The following DMRT1 variants were observed in gnomAD, a reference collection of about 807,000 sequenced individuals.
DMRT1 encodes the protein doublesex and mab-3 related transcription factor 1, also known as doublesex- and mab-3-related transcription factor 1.
In DMRT1, 7 loss-of-function variants were observed where a neutral mutation model predicts 32.3. The observed-to-expected ratio is 0.22, with a 90% CI of 0.12 to 0.41. DMRT1 has a LOEUF of 0.41. DMRT1 is among the 10% of genes least tolerant of loss of function. The pLI is 1.00. For synonymous variants in DMRT1, 278 were observed against 206.1 expected (o/e 1.35, Z -2.99); for missense variants, 625 against 500.5 (o/e 1.25, Z -2.37).
intron 4 of DMRT1, among the ~76,000 whole-genome samples, chr9:948,071 T>C (rs1346492703): frequency 6.6e-6 from 1 of 152,168 alleles, no homozygotes; most frequent in East Asian, 1.9e-4. Context: ...TGAGGTGGAA[T>C]TGGGTAATTA....
intron 4 of DMRT1, among the ~76,000 whole-genome samples, chr9:920,097 C>T (rs563942853): frequency 6.6e-6 from 1 of 152,212 alleles, no homozygotes; most frequent in African/African-American, 2.4e-5. Flanking sequence ...GTCCATGAAC[C>T]ACCCAAGTGG....
At chr9:868,631 T>A (rs1431783685) in intron 2 of DMRT1, among the ~76,000 whole-genome samples, 4 of 152,210 alleles carry the variant, frequency 2.6e-5, no homozygotes, top group Admixed American at 2.6e-4. Flanking sequence ...CCTTACAAGG[T>A]TATCGTAGGT....
At chr9:874,343 A>G (rs1372196894) in intron 2 of DMRT1, among the ~76,000 whole-genome samples, 1 of 152,182 alleles carries the variant, frequency 6.6e-6, no homozygotes, top group Non-Finnish European at 1.5e-5. Flanking sequence ...ATATTTATAC[A>G]GTTGAGATAT....
chr9:933,005 C>T (rs958656834), intron 4 of DMRT1, among the ~76,000 whole-genome samples: 2 of 152,130 alleles, frequency 1.3e-5, no homozygotes, highest in East Asian at 1.9e-4. Context: ...CTCCGTCTCC[C>T]GGGTTCAAAC....
intron 4 of DMRT1, among the ~76,000 whole-genome samples, chr9:960,388 A>G (rs567120345): frequency 6.6e-6 from 1 of 152,198 alleles, no homozygotes; most frequent in Non-Finnish European, 1.5e-5. Flanking sequence ...AATCCTATTA[A>G]TTTCCAATGG....
chr9:934,112 C>G (rs1364772283), intron 4 of DMRT1, among the ~76,000 whole-genome samples: 1 of 152,034 alleles, frequency 6.6e-6, no homozygotes, highest in Non-Finnish European at 1.5e-5. Context: ...GAGTGGAAAA[C>G]TTGTCTTATG....
Position 842,049 on chromosome 9 carries a change from C to G in DMRT1, c.211C>G (p.Pro71Ala), listed in dbSNP as rs1430464890. 1.9e-6 allele frequency: 3 copies of G among 1,545,368 alleles called. No individual in the cohort carries two copies. Among genetic ancestry groups the G allele is most frequent in the Admixed American group, 3.9e-5 (2 of 51,312 alleles). The change falls in exon 1 of 5, where the codon CCG (proline) becomes GCG (alanine). Residue 71 changes from proline (P) to alanine (A), a missense_variant. Physicochemically the swap from Pro to Ala is conservative, Grantham distance 27 (BLOSUM62 -1). Transcript: ENST00000382276. Reference protein sequence around the residue: ...SDLGAGSKKSPRLPKCARCRN... With the variant: ...SDLGAGSKKSARLPKCARCRN... Reference sequence around the variant, plus strand: ...CCTGGGTGCCGGGAGCAAGAAGTCCCCGCGGCTGCCCAAGTGCGCACGCTG... The same window carrying G: ...CCTGGGTGCCGGGAGCAAGAAGTCCGCGCGGCTGCCCAAGTGCGCACGCTG...
At chr9:885,293 T>C (rs1368672081) in intron 2 of DMRT1, among the ~76,000 whole-genome samples, 2 of 152,180 alleles carry the variant, frequency 1.3e-5, no homozygotes, top group African/African-American at 4.8e-5. Context: ...ATTGCAAGGA[T>C]AGAGGGCTTT....
chr9:946,548 A>G (rs1263380414), intron 4 of DMRT1, among the ~76,000 whole-genome samples: 1 of 152,228 alleles, frequency 6.6e-6, no homozygotes, highest in Non-Finnish European at 1.5e-5. Context: ...GGCATAGTCC[A>G]TCTCTGCCTA....
chr9:966,073 G>C (rs985355556), intron 4 of DMRT1, among the ~76,000 whole-genome samples: 5 of 152,156 alleles, frequency 3.3e-5, no homozygotes, highest in African/African-American at 1.2e-4. Flanking sequence ...CTCCAGATCT[G>C]TATAGTAACA....
At chr9:858,870 A>AATAT (rs139337855) in intron 2 of DMRT1, among the ~76,000 whole-genome samples, 27 of 48,064 alleles carry the variant, frequency 5.6e-4, no homozygotes, top group East Asian at 1.1e-3. Context: ...AAAAAAAAAA[A>AATAT]ATATATATAT....
At chr9:908,408 C>A (rs866578314) in intron 3 of DMRT1, among the ~76,000 whole-genome samples, 1 of 152,096 alleles carries the variant, frequency 6.6e-6, no homozygotes, top group East Asian at 1.9e-4. Context: ...CAGTGAGCTG[C>A]GATCACACCA....
At chr9:863,356 C>G (rs962741275) in intron 2 of DMRT1, among the ~76,000 whole-genome samples, 1 of 149,306 alleles carries the variant, frequency 6.7e-6, no homozygotes, top group African/African-American at 2.5e-5. Flanking sequence ...GAAGTGTGGA[C>G]AGAACCTTTC....
At position 844,719 on chromosome 9, in the gene DMRT1, CTT is replaced by C. The variant is rs35980858; in HGVS notation, c.355-2224_355-2223del. 4.1e-3 allele frequency among the ~76,000 whole-genome samples: 482 copies of C among 116,868 alleles called. 1 individual carries two copies. The highest frequency in any genetic ancestry group is 0.015 in the African/African-American group (435 of 29,760). The allele number at this position is 116,868 out of a possible 152,430, so 76.7% of individuals were successfully genotyped here. ...TGTAGTTGTTTTTCTTTCTTTCTTT[CTT>C]TTTTTTTTTTTTTTTTGAGACAGGA... is the stretch of plus-strand genomic sequence containing the variant. On this transcript the variant is annotated intron_variant, in intron 1 of 4. Coordinates refer to ENST00000382276, the MANE Select transcript of DMRT1 (RefSeq NM_021951.3).
At chr9:902,191 T>C (rs1316975684) in intron 3 of DMRT1, among the ~76,000 whole-genome samples, 3 of 151,310 alleles carry the variant, frequency 2.0e-5, no homozygotes, top group Admixed American at 2.0e-4. Context: ...ATTACAGGCG[T>C]GAGCCACCGC....
chr9:888,798 G>C (rs1032222479), intron 2 of DMRT1, among the ~76,000 whole-genome samples: 9 of 151,982 alleles, frequency 5.9e-5, no homozygotes, highest in African/African-American at 2.2e-4. Flanking sequence ...TGAATTTTGA[G>C]AGTACAGCCG....
intron 2 of DMRT1, among the ~76,000 whole-genome samples, chr9:862,455 A>C (rs1300492985): frequency 2.1e-5 from 3 of 141,914 alleles, no homozygotes; most frequent in Non-Finnish European, 3.0e-5. Context: ...GCGGCAGCAC[A>C]GTCCAGCCTC....
chr9:872,935 T>C (rs1816335808), intron 2 of DMRT1, among the ~76,000 whole-genome samples: 1 of 152,158 alleles, frequency 6.6e-6, no homozygotes, highest in Admixed American at 6.5e-5. Context: ...GGCCAGCTGA[T>C]TGGACGATGT....
chr9:934,404 A>C (rs1818820387), intron 4 of DMRT1, among the ~76,000 whole-genome samples: 1 of 152,158 alleles, frequency 6.6e-6, no homozygotes, highest in South Asian at 2.1e-4. Flanking sequence ...GATGGCATGC[A>C]TCTGTAGTCC....
Sources: gnomAD v4.1 joint callset for allele counts (sites outside exome capture counted in the v4.1 genomes callset) on GRCh38, gnomAD v4.1.1 for gene constraint, MANE v1.5 for transcripts, NCBI Gene and HGNC (gene_info 2026-07-23, HGNC 2026-07-21) for gene names.